The following SORCS1 variants were observed in gnomAD, a reference collection of about 807,000 sequenced individuals.
The protein encoded by SORCS1 is VPS10 domain-containing receptor SorCS1.
Under a neutral mutation model 146.1 loss-of-function variants are expected in SORCS1, and 60 were observed. The observed-to-expected ratio is 0.41, with a 90% CI of 0.33 to 0.51. SORCS1 has a LOEUF of 0.51. Ranked by LOEUF, SORCS1 falls within the 20% of genes least tolerant of loss-of-function variation. The pLI is 0.21. For synonymous variants in SORCS1, 637 were observed against 584.0 expected (o/e 1.09, Z -1.31); for missense variants, 1,352 against 1,487.6 (o/e 0.91, Z 1.50).
chr10:107,175,342 T>C, the SORCS1 span, among the ~76,000 whole-genome samples: 16 of 152,230 alleles, frequency 1.1e-4, no homozygotes, highest in Non-Finnish European at 1.5e-4. Context: ...ATTTCTTCCT[T>C]ATTTGTTTGA....
At chr10:106,761,768 G>T in intron 4 of SORCS1, 107 bp from the exon 5 acceptor site, 1 of 935,076 alleles carries the variant, frequency 1.1e-6, no homozygotes, top group Non-Finnish European at 1.7e-6. Context: ...AACATTTACT[G>T]AACACCTGCC....
intron 1 of SORCS1, among the ~76,000 whole-genome samples, chr10:107,044,814 TAAAAAAAAA>T (rs71025575): frequency 1.1e-5 from 1 of 90,288 alleles, no homozygotes; most frequent in Non-Finnish European, 2.2e-5. Context: ...TGTGTCTCAA[TAAAAAAAAA>T]AAAAAAAAAA....
At chr10:106,829,517 C>A in intron 3 of SORCS1, 57 bp downstream of exon 3, 1 of 1,354,016 alleles carries the variant, frequency 7.4e-7, no homozygotes, top group Non-Finnish European at 1.0e-6. Flanking sequence ...AGTGGTTAGC[C>A]AACCAAGACA....
chr10:106,977,096 T>G (rs1440721760), intron 1 of SORCS1, among the ~76,000 whole-genome samples: 1 of 152,156 alleles, frequency 6.6e-6, no homozygotes, highest in Non-Finnish European at 1.5e-5. Context: ...GGTTTCTAGA[T>G]CCCTGAGGAA....
intron 17 of SORCS1, among the ~76,000 whole-genome samples, chr10:106,653,216 C>A (rs747414928): frequency 2.6e-5 from 4 of 152,160 alleles, no homozygotes; most frequent in Non-Finnish European, 4.4e-5. Flanking sequence ...ACAGAATTAA[C>A]CTATATAATT....
chr10:107,123,077 C>CA (rs35115429), intron 1 of SORCS1, among the ~76,000 whole-genome samples: 17,502 of 78,776 alleles, frequency 0.22, 1,336 homozygotes, highest in African/African-American at 0.25. Context: ...GACAAACTGG[C>CA]AAAAAAAAAA....
intron 1 of SORCS1, among the ~76,000 whole-genome samples, chr10:107,155,296 A>T (rs1246464092): frequency 6.6e-6 from 1 of 152,224 alleles, no homozygotes; most frequent in Non-Finnish European, 1.5e-5. Context: ...GAAGAAGTCC[A>T]TGGACTCTTA....
intron 1 of SORCS1, among the ~76,000 whole-genome samples, chr10:106,978,360 C>G (rs972226287): frequency 9.9e-5 from 15 of 152,146 alleles, no homozygotes; most frequent in African/African-American, 3.1e-4. Context: ...TAAGAAATCC[C>G]TAGGAGTCTT....
chr10:106,984,641 C>A (rs1956387378), intron 1 of SORCS1, among the ~76,000 whole-genome samples: 1 of 151,812 alleles, frequency 6.6e-6, no homozygotes, highest in African/African-American at 2.4e-5. Flanking sequence ...GATCCGCCCA[C>A]CTGGGTCTCC....
chr10:106,671,471 T>C lies in SORCS1; in HGVS notation c.2059-104A>G, dbSNP rs919890576. On this transcript the variant is annotated intron_variant, in intron 15 of 25. Transcript: ENST00000263054. ...GACATTTGCACATCTTAGTGTAATG[T>C]AAACTTTGGTAGCCCTCTTTGTGCT... 4 of 1,487,780 alleles carry C rather than the reference T, an allele frequency of 2.7e-6. No individual in the cohort carries two copies. The Admixed American group carries it at 7.4e-5, about 28-fold the overall frequency. 92.2% of individuals were successfully genotyped at this position (1,487,780 alleles called of 1,614,324 possible). A position where few individuals can be genotyped will look rare whatever the true frequency, so the allele number is the denominator to read the frequency against.
chr10:106,773,015 A>C (rs921425045), intron 4 of SORCS1, among the ~76,000 whole-genome samples: 2 of 152,174 alleles, frequency 1.3e-5, no homozygotes, highest in African/African-American at 4.8e-5. Context: ...CCTTAAAAAA[A>C]CAAGGAAGCC....
intron 6 of SORCS1, among the ~76,000 whole-genome samples, chr10:106,710,470 G>T (rs182623320): frequency 6.6e-6 from 1 of 151,186 alleles, no homozygotes; most frequent in East Asian, 1.9e-4. Context: ...ATTGGGAGGA[G>T]TTCCTTGAGT....
intron 1 of SORCS1, among the ~76,000 whole-genome samples, chr10:107,137,653 G>A (rs1241474476): frequency 5.3e-5 from 8 of 152,060 alleles, no homozygotes; most frequent in African/African-American, 1.9e-4. Context: ...ACCTGAGGTC[G>A]AGAGTTCGAG....
At chr10:107,096,876 A>T (rs764123923) in intron 1 of SORCS1, among the ~76,000 whole-genome samples, 11 of 152,090 alleles carry the variant, frequency 7.2e-5, no homozygotes, top group Admixed American at 2.0e-4. Context: ...TTAACCCAAG[A>T]TTCTCTCCAT....
At position 106,652,483 on chromosome 10, in the gene SORCS1, A is replaced by C; in HGVS notation, c.2374T>G (p.Cys792Gly). 6.2e-7 allele frequency: 1 copy of C among 1,614,066 alleles called. No homozygotes were observed. Among genetic ancestry groups the C allele is most frequent in the South Asian group, 1.1e-5 (1 of 91,076 alleles). The part of the protein sequence containing the change: ...REQYTAKPQK[C>G]PGKAPRGLRI... The stretch of plus-strand genomic sequence containing the variant: ...AGCCCCCGCGGGGCTTTCCCTGGGC[A>C]CTTCTGCGGTTTGGCAGTGTACTGT... The change falls in exon 18 of 26, where the codon TGC (cysteine) becomes GGC (glycine). Residue 792 changes from cysteine to glycine, a missense_variant. Coordinates refer to ENST00000263054, the MANE Select transcript of SORCS1 (RefSeq NM_052918.5).
intron 1 of SORCS1, among the ~76,000 whole-genome samples, chr10:107,150,977 C>T (rs147230068): frequency 5.6e-4 from 86 of 152,276 alleles, no homozygotes; most frequent in African/African-American, 2.0e-3. Flanking sequence ...TGAACCAACA[C>T]AGTAAATTAG....
intron 1 of SORCS1, among the ~76,000 whole-genome samples, chr10:107,097,122 A>T (rs1964594173): frequency 6.6e-6 from 1 of 152,204 alleles, no homozygotes; most frequent in Non-Finnish European, 1.5e-5. Flanking sequence ...GGTTCTGGGA[A>T]ATGACTGGCC....
the SORCS1 span, among the ~76,000 whole-genome samples, chr10:107,170,966 C>T: frequency 6.6e-6 from 1 of 152,174 alleles, no homozygotes; most frequent in Non-Finnish European, 1.5e-5. Flanking sequence ...ACTAACTGTA[C>T]ATTATCATTT....
At chr10:106,804,631 C>T (rs937649108) in intron 3 of SORCS1, among the ~76,000 whole-genome samples, 5 of 151,876 alleles carry the variant, frequency 3.3e-5, no homozygotes, top group Admixed American at 6.6e-5. Flanking sequence ...AAAAGGAAGA[C>T]GAGAATGTAA....
Sources: allele counts gnomAD v4.1 joint callset (sites outside exome capture counted in the v4.1 genomes callset), GRCh38; gene constraint gnomAD v4.1.1; transcripts MANE v1.5; gene names NCBI Gene and HGNC (gene_info 2026-07-23, HGNC 2026-07-21).